The following HIP1 variants were observed in gnomAD, a reference collection of about 807,000 sequenced individuals.
HIP1 encodes the protein huntingtin interacting protein 1.
HIP1 carries 65 observed loss-of-function variants against 147.6 expected under a neutral mutation model. The observed-to-expected ratio is 0.44, with a 90% CI of 0.36 to 0.54. HIP1 has a LOEUF of 0.54. Ranked by LOEUF, HIP1 falls within the 20% of genes least tolerant of loss-of-function variation. The probability of loss-of-function intolerance (pLI) is 0.00; values close to 1 mark genes in which losing one functional copy is unlikely to be tolerated. For missense variants in HIP1, 1,061 were observed against 1,299.6 expected, an observed-to-expected ratio of 0.82 and a Z score of 2.82; for synonymous variants, 479 against 504.0, an observed-to-expected ratio of 0.95 and a Z score of 0.67.
At chr7:75,710,026 C>T (rs782299412) in intron 1 of HIP1, among the ~76,000 whole-genome samples, 2 of 152,102 alleles carry the variant, frequency 1.3e-5, no homozygotes, top group African/African-American at 2.4e-5. Context: ...CGCATGCTAC[C>T]ATGCCCGGCT....
intron 1 of HIP1, among the ~76,000 whole-genome samples, chr7:75,634,272 C>A (rs1470919742): frequency 2.7e-5 from 4 of 149,272 alleles, no homozygotes; most frequent in Non-Finnish European, 5.9e-5. Context: ...AAAAAAAAAA[C>A]CAACAAAAAC....
intron 1 of HIP1, among the ~76,000 whole-genome samples, chr7:75,674,846 T>C (rs1453985710): frequency 6.6e-6 from 1 of 151,950 alleles, no homozygotes; most frequent in Non-Finnish European, 1.5e-5. Context: ...ATCCCTTGTA[T>C]GTGATGAGTC....
intron 5 of HIP1, among the ~76,000 whole-genome samples, chr7:75,586,299 T>G (rs1554499625): frequency 1.4e-5 from 2 of 146,676 alleles, no homozygotes; most frequent in African/African-American, 5.1e-5. Flanking sequence ...TGGTCTCAGG[T>G]TCAAGCGATT....
Position 75,548,949 on chromosome 7 carries a change from A to C in HIP1, c.2348T>G (p.Val783Gly), listed in dbSNP as rs1584780909. Residue 783 changes from valine to glycine, a missense_variant, in exon 23 of 31, where the codon GTG becomes GGG. Val to Gly is a moderately radical substitution (Grantham distance 109, BLOSUM62 -3). This residue lies in a region of HIP1 where 810 missense variants were observed against 946.8 expected (regional missense o/e 0.86). Coordinates refer to ENST00000336926, the MANE Select transcript of HIP1 (RefSeq NM_005338.7). ...TGAAGTGGCCGCCATCTCCTTGTCC[A>C]CCAGGTCCCCCAGCTCCTCCTGCTT... ...DIKQEELGDL[V>G]DKEMAATSAA... 1 of 1,613,916 alleles carries C rather than the reference A, an allele frequency of 6.2e-7. No homozygotes were observed. The highest frequency in any genetic ancestry group is 8.5e-7 in the Non-Finnish European group (1 of 1,179,950).
At chr7:75,649,728 G>A (rs565074984) in intron 1 of HIP1, among the ~76,000 whole-genome samples, 121 of 152,212 alleles carry the variant, frequency 7.9e-4, no homozygotes, top group African/African-American at 2.6e-3. Context: ...AGGAACCCCC[G>A]GCCTGGTCTT....
At chr7:75,686,661 T>G (rs548451993) in intron 1 of HIP1, among the ~76,000 whole-genome samples, 3 of 152,026 alleles carry the variant, frequency 2.0e-5, no homozygotes, top group East Asian at 3.9e-4. Context: ...TCATTTTTTT[T>G]TTGTTGTTGT....
chr7:75,637,984 CCCCCCCCCCACACACACACAT>C (rs1798487042), intron 1 of HIP1, among the ~76,000 whole-genome samples: 1 of 47,994 alleles, frequency 2.1e-5, no homozygotes, highest in African/African-American at 1.1e-4. Flanking sequence ...CAGACCCCCC[CCCCCCCCCCACACACACACAT>C]ACACACACAC....
chr7:75,719,298 A>G (rs1554520896), intron 1 of HIP1, among the ~76,000 whole-genome samples: 1 of 151,976 alleles, frequency 6.6e-6, no homozygotes. Context: ...AGGTCAGGAG[A>G]TCAAAACCAT....
chr7:75,557,591 A>T, intron 16 of HIP1, 63 bp downstream of exon 16: 2 of 1,211,908 alleles, frequency 1.7e-6, no homozygotes, highest in Non-Finnish European at 2.4e-6. Context: ...AAGGCCACAA[A>T]GCCCCCGCCA....
chr7:75,542,007 C>T, intron 28 of HIP1, 27 bp from the exon 29 acceptor site: 1 of 1,602,008 alleles, frequency 6.2e-7, no homozygotes, highest in Non-Finnish European at 8.6e-7. Flanking sequence ...AAGAAGGTCT[C>T]ATCAAATTCT....
intron 1 of HIP1, among the ~76,000 whole-genome samples, chr7:75,660,092 C>T (rs1799263640): frequency 6.6e-6 from 1 of 151,836 alleles, no homozygotes; most frequent in Admixed American, 6.6e-5. Flanking sequence ...TGCCATTGTA[C>T]TCCAGCCTGG....
At chr7:75,563,514 G>C (rs1795302721) in intron 9 of HIP1, 1 of 508,208 alleles carries the variant, frequency 2.0e-6, no homozygotes, top group Non-Finnish European at 3.5e-6. Context: ...TAATCAAAAA[G>C]CTAATTTCTT....
chr7:75,649,365 A>G (rs1554511595), intron 1 of HIP1, among the ~76,000 whole-genome samples: 2 of 152,168 alleles, frequency 1.3e-5, no homozygotes, highest in African/African-American at 4.8e-5. Flanking sequence ...CACTTTTCCA[A>G]TGCTCCTCGC....
chr7:75,706,473 C>CTTTTTTTTTTTTTTT (rs139655610), intron 1 of HIP1, among the ~76,000 whole-genome samples: 7 of 138,076 alleles, frequency 5.1e-5, no homozygotes, highest in East Asian at 2.1e-4. Context: ...TATATATCTT[C>CTTTTTTTTTTTTTTT]TTTTTTTTTA....
intron 1 of HIP1, among the ~76,000 whole-genome samples, chr7:75,623,613 A>G (rs1176545908): frequency 6.6e-6 from 1 of 152,214 alleles, no homozygotes; most frequent in Non-Finnish European, 1.5e-5. Context: ...TGAGGAATGC[A>G]CAGGATGCCT....
intron 1 of HIP1, among the ~76,000 whole-genome samples, chr7:75,690,093 C>G (rs1800396904): frequency 6.6e-6 from 1 of 152,044 alleles, no homozygotes; most frequent in Non-Finnish European, 1.5e-5. Flanking sequence ...GGCAACATGG[C>G]AAAACCCAAT....
At chr7:75,582,300 C>T (rs181397839) in intron 5 of HIP1, 149 bp from the exon 6 acceptor site, 12 of 630,828 alleles carry the variant, frequency 1.9e-5, no homozygotes, top group African/African-American at 1.6e-4. Flanking sequence ...GTTTACAGTT[C>T]AAGGCCACTG....
intron 4 of HIP1, among the ~76,000 whole-genome samples, chr7:75,589,588 C>G (rs927675903): frequency 7.4e-6 from 1 of 135,962 alleles, no homozygotes; most frequent in Non-Finnish European, 1.5e-5. Flanking sequence ...GAGGCTGAGG[C>G]AGGAGAATCG....
At chr7:75,736,009 G>T (rs782593038) in intron 1 of HIP1, among the ~76,000 whole-genome samples, 1 of 151,154 alleles carries the variant, frequency 6.6e-6, no homozygotes, top group Non-Finnish European at 1.5e-5. Context: ...GAGGTGGGAA[G>T]ATCGCTTGAG....
Sources: gnomAD v4.1 joint callset for allele counts (sites outside exome capture counted in the v4.1 genomes callset) on GRCh38, gnomAD v4.1.1 for gene constraint, gnomAD v4.1.1 regional missense constraint, MANE v1.5 for transcripts, NCBI Gene and HGNC (gene_info 2026-07-23, HGNC 2026-07-21) for gene names.